The following SEC63 variants were observed in gnomAD, a reference collection of about 807,000 sequenced individuals.
The protein encoded by SEC63 is translocation protein SEC63 homolog.
A neutral mutation model predicts 116.2 loss-of-function variants in SEC63; 56 were observed. The observed-to-expected ratio is 0.48, with a 90% CI of 0.39 to 0.60. The LOEUF (loss-of-function observed/expected upper bound fraction) is 0.60, where lower values mean the gene tolerates loss of function less well. SEC63 is among the 20% of genes least tolerant of loss of function. SEC63 has a pLI of 0.00. For missense variants in SEC63, 668 were observed against 900.0 expected (o/e 0.74, Z 3.30); for synonymous variants, 273 against 294.6 (o/e 0.93, Z 0.75).
chr6:107,879,811 A>G (rs991494610), intron 18 of SEC63, among the ~76,000 whole-genome samples: 3 of 150,484 alleles, frequency 2.0e-5, no homozygotes, highest in Non-Finnish European at 4.4e-5. Flanking sequence ...TGCAGCCTCA[A>G]TCTCCTGGGC....
At chr6:107,890,951 T>C (rs567026743) in intron 16 of SEC63, among the ~76,000 whole-genome samples, 1 of 152,374 alleles carries the variant, frequency 6.6e-6, no homozygotes, top group African/African-American at 2.4e-5. Flanking sequence ...GTTAGTCTGA[T>C]GGGCTTCCCT....
intron 16 of SEC63, among the ~76,000 whole-genome samples, chr6:107,886,355 A>T (rs1374090602): frequency 1.3e-5 from 2 of 152,220 alleles, no homozygotes; most frequent in Non-Finnish European, 2.9e-5. Context: ...AATGATTTAT[A>T]ATCCTTTGGG....
At chr6:107,890,062 T>C (rs1418833521) in intron 16 of SEC63, among the ~76,000 whole-genome samples, 1 of 152,184 alleles carries the variant, frequency 6.6e-6, no homozygotes, top group Non-Finnish European at 1.5e-5. Flanking sequence ...ATTCTGTCGA[T>C]TTGGGCTGGA....
At chr6:107,874,614 A>C (rs997620471) in intron 19 of SEC63, among the ~76,000 whole-genome samples, 1 of 151,584 alleles carries the variant, frequency 6.6e-6, no homozygotes, top group Non-Finnish European at 1.5e-5. Context: ...AAAAAAAAAA[A>C]AGAACAAGAA....
intron 14 of SEC63, among the ~76,000 whole-genome samples, chr6:107,894,973 G>A (rs1218355062): frequency 6.6e-6 from 1 of 152,086 alleles, no homozygotes; most frequent in Non-Finnish European, 1.5e-5. Context: ...AACACTGTAT[G>A]ACTTATAAAA....
In SEC63 at chr6:107,901,455, C is replaced by G. The variant is rs1464014425; in HGVS notation, c.1272G>C (p.Leu424=). 2 of 1,610,936 alleles carry G rather than the reference C, an allele frequency of 1.2e-6. No homozygotes were observed. The highest frequency in any genetic ancestry group is 1.7e-5 in the Admixed American group (1 of 59,970). ...CATATTTTTCATCTTCAAGGAAGTGCAGTAGAGTGTGACGATCTGATTCTT... is the reference window on the plus strand; with the variant it reads ...CATATTTTTCATCTTCAAGGAAGTGGAGTAGAGTGTGACGATCTGATTCTT... ...SLKESDRHTL[L]HFLEDEKYEE... is the part of the protein sequence containing the mutation. The change falls in exon 13 of 21, where the codon CTG becomes CTC. Residue 424 remains leucine, a synonymous_variant. Coordinates refer to ENST00000369002, the MANE Select transcript of SEC63 (RefSeq NM_007214.5).
intron 16 of SEC63, among the ~76,000 whole-genome samples, chr6:107,886,719 G>A (rs943702153): frequency 1.1e-4 from 16 of 151,780 alleles, no homozygotes; most frequent in Non-Finnish European, 1.9e-4. Context: ...TTTTTTTCCT[G>A]TAAATCTGTT....
chr6:107,905,012 C>CTT (rs964490927), intron 10 of SEC63, among the ~76,000 whole-genome samples: 32 of 152,210 alleles, frequency 2.1e-4, no homozygotes, highest in African/African-American at 7.0e-4. Flanking sequence ...AATCCCAGCA[C>CTT]TTTGGGAGGC....
chr6:107,883,246 C>T (rs1228066788), intron 16 of SEC63, 100 bp from the exon 17 acceptor site: 1 of 1,426,452 alleles, frequency 7.0e-7, no homozygotes, highest in African/African-American at 1.4e-5. Flanking sequence ...ACTAAACTGA[C>T]TCGATGACAA....
chr6:107,903,157 A>G, intron 11 of SEC63, 159 bp from the exon 12 acceptor site: 2 of 727,988 alleles, frequency 2.7e-6, no homozygotes, highest in Non-Finnish European at 4.7e-6. Context: ...GAAGACACTA[A>G]AAATATACAA....
rs185900739 is a variant in SEC63, at chr6:107,954,799, C to T, written c.124+3087G>A. ...AAAAAAGTCACTATGATGAAAACAT[C>T]CTTTTACTACAACTGTAATTCCACA... On this transcript the variant is annotated intron_variant, in intron 1 of 20. Coordinates refer to ENST00000369002, the MANE Select transcript of SEC63 (RefSeq NM_007214.5). The T allele has an allele frequency of 2.0e-5, 3 of 152,110 alleles. No homozygotes were observed. In the East Asian group the frequency reaches 5.8e-4, roughly 30 times the overall value. The allele number at this position is 152,110 out of a possible 1,614,324, so 9.4% of individuals were successfully genotyped here.
chr6:107,949,299 A>C (rs1351451017), intron 1 of SEC63, among the ~76,000 whole-genome samples: 1 of 152,176 alleles, frequency 6.6e-6, no homozygotes, highest in East Asian at 1.9e-4. Flanking sequence ...AGGATGTTTA[A>C]TGTAATCCCC....
At chr6:107,941,897 T>C (rs756455696) in intron 1 of SEC63, among the ~76,000 whole-genome samples, 3 of 152,214 alleles carry the variant, frequency 2.0e-5, no homozygotes, top group Admixed American at 1.3e-4. Flanking sequence ...AAAAGCCCAC[T>C]TAAGGATAGC....
intron 1 of SEC63, among the ~76,000 whole-genome samples, chr6:107,942,679 C>T (rs1290965288): frequency 6.6e-6 from 1 of 152,142 alleles, no homozygotes; most frequent in African/African-American, 2.4e-5. Flanking sequence ...TTTGGCTCCC[C>T]CAAAACTTAA....
At chr6:107,924,774 T>A in intron 3 of SEC63, 44 bp downstream of exon 3, 1 of 907,020 alleles carries the variant, frequency 1.1e-6, no homozygotes, top group East Asian at 2.4e-5. Flanking sequence ...AGCATTTTCA[T>A]GGGACCATTA....
chr6:107,874,187 A>G (rs965045286), intron 19 of SEC63, among the ~76,000 whole-genome samples: 3 of 152,240 alleles, frequency 2.0e-5, no homozygotes, highest in African/African-American at 7.2e-5. Context: ...TTTGCTTGCC[A>G]AAAACACAAA....
At chr6:107,872,432 T>C (rs1583717325) in intron 20 of SEC63, among the ~76,000 whole-genome samples, 1 of 152,170 alleles carries the variant, frequency 6.6e-6, no homozygotes, top group East Asian at 1.9e-4. Flanking sequence ...CTTACAGAAG[T>C]GTATGCTCTA....
chr6:107,932,323 C>T (rs1171771867), intron 1 of SEC63: 1 of 152,124 alleles, frequency 6.6e-6, no homozygotes, highest in Non-Finnish European at 1.5e-5. Flanking sequence ...AACTGCAGTT[C>T]TTAAATGAGG....
chr6:107,879,332 G>T (rs505386), intron 18 of SEC63, among the ~76,000 whole-genome samples: 132,120 of 152,042 alleles, frequency 0.87, 57,561 homozygotes, highest in Middle Eastern at 0.92. Flanking sequence ...CCCGGCTAAT[G>T]TTTTTATTTT....
Sources: gnomAD v4.1 joint callset for allele counts (sites outside exome capture counted in the v4.1 genomes callset) on GRCh38, gnomAD v4.1.1 for gene constraint, MANE v1.5 for transcripts, NCBI Gene and HGNC (gene_info 2026-07-23, HGNC 2026-07-21) for gene names.